The following BMPR1B variants were observed in gnomAD, a reference collection of about 807,000 sequenced individuals.
The protein encoded by BMPR1B is bone morphogenetic protein receptor type 1B, also known as bone morphogenetic protein receptor type-1B.
BMPR1B carries 12 observed loss-of-function variants against 59.1 expected under a neutral mutation model. That is an observed-to-expected ratio of 0.20 (90% CI 0.13 to 0.33). BMPR1B has a LOEUF of 0.33. Among genes scored for constraint, BMPR1B ranks in the 10% least tolerant of loss-of-function variants. BMPR1B has a pLI of 1.00. For missense variants in BMPR1B, 550 were observed against 610.9 expected, an observed-to-expected ratio of 0.90 and a Z score of 1.05; for synonymous variants, 237 against 207.3, an observed-to-expected ratio of 1.14 and a Z score of -1.23.
intron 3 of BMPR1B, among the ~76,000 whole-genome samples, chr4:95,025,354 T>A (rs1028053372): frequency 6.6e-5 from 10 of 152,212 alleles, no homozygotes; most frequent in African/African-American, 2.4e-4. Context: ...GTCATCTCTT[T>A]AGTTGCTTAG....
chr4:95,136,698 A>G (rs1733816516), intron 10 of BMPR1B, among the ~76,000 whole-genome samples: 1 of 152,068 alleles, frequency 6.6e-6, no homozygotes, highest in Non-Finnish European at 1.5e-5. Context: ...ATTTGCGTAG[A>G]GGTGTTTATA....
At chr4:95,079,909 A>G (rs1245652515) in intron 3 of BMPR1B, among the ~76,000 whole-genome samples, 1 of 152,140 alleles carries the variant, frequency 6.6e-6, no homozygotes, top group Non-Finnish European at 1.5e-5. Flanking sequence ...GAGAATGTGA[A>G]CTTTCTGTAT....
chr4:95,088,638 C>A (rs576454333), intron 3 of BMPR1B, among the ~76,000 whole-genome samples: 137 of 152,194 alleles, frequency 9.0e-4, no homozygotes, highest in South Asian at 2.7e-3. Flanking sequence ...ATTTGTATTA[C>A]TACCAAATAT....
intron 2 of BMPR1B, among the ~76,000 whole-genome samples, chr4:94,992,359 C>A (rs868561849): frequency 6.6e-6 from 1 of 152,214 alleles, no homozygotes; most frequent in African/African-American, 2.4e-5. Context: ...CACTACCTTG[C>A]CTGGGCATGG....
At chr4:94,810,019 AC>A (rs1395701097) in intron 1 of BMPR1B, among the ~76,000 whole-genome samples, 24 of 152,154 alleles carry the variant, frequency 1.6e-4, no homozygotes, top group Admixed American at 1.4e-3. Flanking sequence ...AGTTTTTTTG[AC>A]CCTAAATGGG....
intron 1 of BMPR1B, among the ~76,000 whole-genome samples, chr4:94,799,243 TCA>T (rs1723307974): frequency 6.6e-6 from 1 of 150,678 alleles, no homozygotes; most frequent in South Asian, 2.1e-4. Flanking sequence ...TGCGTAGAAT[TCA>T]CAGAGACTTC....
chr4:95,048,230 A>C (rs746097877), intron 3 of BMPR1B, among the ~76,000 whole-genome samples: 16 of 151,946 alleles, frequency 1.1e-4, no homozygotes, highest in Non-Finnish European at 4.4e-5. Context: ...TATCTTTTCT[A>C]CTGTCAATAG....
At chr4:94,910,265 C>T (rs938143779) in intron 2 of BMPR1B, among the ~76,000 whole-genome samples, 1 of 152,058 alleles carries the variant, frequency 6.6e-6, no homozygotes, top group Non-Finnish European at 1.5e-5. Context: ...TTCTGAAAAC[C>T]TTTTGGCCTC....
At position 95,156,310 on chromosome 4, in the gene BMPR1B, T is replaced by A. The variant is rs1264432240; in HGVS notation, c.*1637T>A. 4 of 150,532 alleles carry A rather than the reference T, an allele frequency of 2.7e-5. No homozygotes were observed. The highest frequency in any genetic ancestry group is 5.9e-5 in the Non-Finnish European group (4 of 67,814). The allele number at this position is 150,532 out of a possible 1,614,324, so 9.3% of individuals were successfully genotyped here. A position where few individuals can be genotyped will look rare whatever the true frequency, so the allele number is the denominator to read the frequency against. On this transcript the variant is annotated 3_prime_UTR_variant, in exon 13 of 13. Coordinates refer to ENST00000515059, the MANE Select transcript of BMPR1B (RefSeq NM_001203.3). ...TAGTAAAGAATTTGAAAGTACTTTC[T>A]CCTTGCTGTTTTTTTTTTTTTTTAA...
chr4:94,767,852 G>C (rs1160825993), intron 1 of BMPR1B, among the ~76,000 whole-genome samples: 2 of 151,934 alleles, frequency 1.3e-5, no homozygotes, highest in Non-Finnish European at 2.9e-5. Context: ...CATATTTATG[G>C]ATACTATATT....
intron 1 of BMPR1B, among the ~76,000 whole-genome samples, chr4:94,856,522 G>A (rs559297229): frequency 1.2e-4 from 18 of 152,284 alleles, no homozygotes; most frequent in Non-Finnish European, 2.5e-4. Flanking sequence ...TAGTTTTCAA[G>A]TGCTCCTTTT....
At chr4:95,018,878 A>T (rs1723772011) in intron 3 of BMPR1B, among the ~76,000 whole-genome samples, 1 of 152,166 alleles carries the variant, frequency 6.6e-6, no homozygotes, top group African/African-American at 2.4e-5. Context: ...GCTTCTTGCT[A>T]ATTGGCACCT....
intron 2 of BMPR1B, among the ~76,000 whole-genome samples, chr4:94,982,629 C>T (rs1328930521): frequency 6.6e-6 from 1 of 152,146 alleles, no homozygotes; most frequent in East Asian, 1.9e-4. Context: ...GAACCACTGG[C>T]CAAAAACAAC....
chr4:95,030,293 A>T (rs931875306), intron 3 of BMPR1B, among the ~76,000 whole-genome samples: 1 of 152,136 alleles, frequency 6.6e-6, no homozygotes, highest in Non-Finnish European at 1.5e-5. Context: ...TAATTTTTGT[A>T]TAAGGTGTAA....
intron 1 of BMPR1B, among the ~76,000 whole-genome samples, chr4:94,857,110 G>C (rs1725787821): frequency 6.6e-6 from 1 of 151,924 alleles, no homozygotes; most frequent in Non-Finnish European, 1.5e-5. Context: ...GAAATGAAAA[G>C]AATGAGATAA....
intron 1 of BMPR1B, among the ~76,000 whole-genome samples, chr4:94,871,234 A>G (rs184594910): frequency 5.9e-5 from 9 of 152,328 alleles, no homozygotes; most frequent in South Asian, 2.1e-4. Flanking sequence ...ATTCTGCTAT[A>G]TGTAAAGTAC....
rs767077000 is a variant in BMPR1B, at chr4:95,148,767, A to G, written c.1096A>G (p.Ile366Val). The change falls in exon 11 of 13, where the codon ATA becomes GTA. Residue 366 changes from isoleucine (I) to valine (V), a missense_variant. Physicochemically the swap from Ile to Val is conservative, Grantham distance 29 (BLOSUM62 3). Around this residue, in one of 6 missense-constraint regions of BMPR1B, gnomAD observed 318 missense variants for 284.6 expected, o/e 1.12. Coordinates refer to ENST00000515059, the MANE Select transcript of BMPR1B (RefSeq NM_001203.3). ...CCTTAGTGATACAAATGAAGTTGAC[A>G]TACCACCTAACACTCGAGTTGGCAC... ...KFISDTNEVDIPPNTRVGTKR... is the reference protein window; with the variant it reads ...KFISDTNEVDVPPNTRVGTKR... 2.5e-6 allele frequency: 4 copies of G among 1,613,994 alleles called. No homozygotes were observed. The highest frequency in any genetic ancestry group is 3.4e-6 in the Non-Finnish European group (4 of 1,179,910).
At chr4:94,997,562 A>T (rs905292625) in intron 3 of BMPR1B, among the ~76,000 whole-genome samples, 6 of 152,212 alleles carry the variant, frequency 3.9e-5, no homozygotes, top group African/African-American at 1.4e-4. Context: ...AGGCTAATCT[A>T]ATTGATAGCT....
chr4:94,785,897 GA>G (rs1214036134), intron 1 of BMPR1B, among the ~76,000 whole-genome samples: 3 of 152,132 alleles, frequency 2.0e-5, no homozygotes, highest in Non-Finnish European at 4.4e-5. Context: ...TTAGCCAGGA[GA>G]AAATAGCCCT....
Sources: allele counts gnomAD v4.1 joint callset (sites outside exome capture counted in the v4.1 genomes callset), GRCh38; gene constraint gnomAD v4.1.1; regional missense constraint gnomAD v4.1.1; transcripts MANE v1.5; gene names NCBI Gene and HGNC (gene_info 2026-07-23, HGNC 2026-07-21).